The following COBL variants were observed in gnomAD, a reference collection of about 807,000 sequenced individuals.
The protein encoded by COBL is cordon-bleu WH2 repeat protein.
Under a neutral mutation model 98.8 loss-of-function variants are expected in COBL, and 51 were observed. The ratio of observed to expected loss-of-function variants is 0.52; its 90% confidence interval spans 0.41 to 0.65. COBL has a LOEUF of 0.65. Among genes scored for constraint, COBL ranks in the 30% least tolerant of loss-of-function variants. The probability of loss-of-function intolerance (pLI) is 0.00; values close to 1 mark genes in which losing one functional copy is unlikely to be tolerated. For synonymous variants in COBL, 634 were observed against 651.7 expected (o/e 0.97, Z 0.41); for missense variants, 1,617 against 1,617.5 (o/e 1.00, Z 0.01).
intron 5 of COBL, among the ~76,000 whole-genome samples, chr7:51,176,599 A>G (rs1313460914): frequency 6.6e-6 from 1 of 152,230 alleles, no homozygotes; most frequent in Non-Finnish European, 1.5e-5. Context: ...TGGTATTTAC[A>G]AAAGCTTAAA....
At chr7:51,141,993 G>A (rs902864769) in intron 5 of COBL, among the ~76,000 whole-genome samples, 1 of 152,128 alleles carries the variant, frequency 6.6e-6, no homozygotes, top group African/African-American at 2.4e-5. Context: ...CACTCCTTAA[G>A]CTGAATCCCT....
intron 1 of COBL, among the ~76,000 whole-genome samples, chr7:51,301,242 C>T (rs1451746933): frequency 6.6e-6 from 1 of 152,190 alleles, no homozygotes; most frequent in African/African-American, 2.4e-5. Flanking sequence ...AGGACGCTCA[C>T]CCTTTATCCT....
intron 5 of COBL, among the ~76,000 whole-genome samples, chr7:51,144,247 C>A (rs749021): frequency 0.079 from 11,965 of 152,176 alleles, 557 homozygotes; most frequent in Admixed American, 0.15. Flanking sequence ...CATATATGAA[C>A]CCACTTGACC....
chr7:51,275,305 A>C (rs1190980816), intron 1 of COBL, among the ~76,000 whole-genome samples: 2 of 152,186 alleles, frequency 1.3e-5, no homozygotes, highest in Non-Finnish European at 2.9e-5. Context: ...CCAAATTTTG[A>C]GGCACAAGTC....
At chr7:51,210,235 G>C (rs1009911534) in intron 2 of COBL, among the ~76,000 whole-genome samples, 1 of 152,038 alleles carries the variant, frequency 6.6e-6, no homozygotes, top group South Asian at 2.1e-4. Flanking sequence ...CAGCAGTCGA[G>C]GGTGGGAGTA....
chr7:51,205,119 A>T (rs973289760), intron 2 of COBL, among the ~76,000 whole-genome samples: 2 of 152,336 alleles, frequency 1.3e-5, no homozygotes, highest in African/African-American at 2.4e-5. Context: ...TGCAATCCCT[A>T]TCAAAATCCC....
At chr7:51,096,554 A>G (rs1207288892) in intron 6 of COBL, among the ~76,000 whole-genome samples, 1 of 152,128 alleles carries the variant, frequency 6.6e-6, no homozygotes, top group African/African-American at 2.4e-5. Flanking sequence ...TTTGGTTAAA[A>G]TATTAACAGA....
At chr7:51,177,518 A>G (rs1374233201) in intron 5 of COBL, among the ~76,000 whole-genome samples, 2 of 152,162 alleles carry the variant, frequency 1.3e-5, no homozygotes, top group Non-Finnish European at 2.9e-5. Flanking sequence ...TCACGCCTGT[A>G]ATCCCAGCAC....
chr7:51,262,573 G>C (rs767162522), intron 1 of COBL, among the ~76,000 whole-genome samples: 1 of 152,226 alleles, frequency 6.6e-6, no homozygotes, highest in Non-Finnish European at 1.5e-5. Flanking sequence ...GGGAAGTCAC[G>C]ACAGGCAGCG....
rs61031232 is a variant in COBL, at chr7:51,136,039, A to G, written c.957+119T>C. On this transcript the variant is annotated intron_variant, in intron 6 of 12. Coordinates refer to ENST00000265136, the MANE Select transcript of COBL (RefSeq NM_015198.5). Reference sequence around the variant, plus strand: ...AAATAAAGCTTAAATACTTGCCCCCAACACTCCAGTCGCTACAGCCACAAA... The same window carrying G: ...AAATAAAGCTTAAATACTTGCCCCCGACACTCCAGTCGCTACAGCCACAAA... 317 of 1,286,774 alleles carry G rather than the reference A, an allele frequency of 2.5e-4. No individual in the cohort carries two copies. In the African/African-American group the frequency reaches 4.4e-3, roughly 18 times the overall value. 79.7% of individuals were successfully genotyped at this position (1,286,774 alleles called of 1,614,324 possible).
intron 6 of COBL, among the ~76,000 whole-genome samples, chr7:51,085,709 T>C (rs1172164586): frequency 1.3e-5 from 2 of 152,196 alleles, no homozygotes; most frequent in Non-Finnish European, 2.9e-5. Flanking sequence ...CTGCCGTGAA[T>C]TGTGATCACA....
At chr7:51,125,180 T>A (rs903492480) in intron 6 of COBL, among the ~76,000 whole-genome samples, 24 of 152,180 alleles carry the variant, frequency 1.6e-4, no homozygotes, top group African/African-American at 5.3e-4. Context: ...AGATGGGGCC[T>A]CTAAAGAAGT....
chr7:51,256,256 T>C (rs1398885306), intron 1 of COBL, among the ~76,000 whole-genome samples: 1 of 152,048 alleles, frequency 6.6e-6, no homozygotes, highest in Non-Finnish European at 1.5e-5. Context: ...GCATTCTCAA[T>C]CTATATATAC....
chr7:51,139,310 A>T (rs1799523645), intron 5 of COBL, among the ~76,000 whole-genome samples: 2 of 152,200 alleles, frequency 1.3e-5, no homozygotes, highest in Admixed American at 1.3e-4. Context: ...TTGGGTGGCC[A>T]TGACCTCATG....
rs1032579652 is a variant in COBL at position 51,252,201 on chromosome 7, T to C, written c.42-32257A>G. On this transcript the variant is annotated intron_variant, in intron 1 of 12. Coordinates refer to ENST00000265136, the MANE Select transcript of COBL (RefSeq NM_015198.5). ...CACTGGCTTTTTAAAAACAGGCTTA[T>C]TGAGATATAATTCACACACCATATA... 2.0e-5 allele frequency among the ~76,000 whole-genome samples: 3 copies of C among 152,226 alleles called. No homozygotes were observed. In the South Asian group the frequency reaches 6.2e-4, roughly 32 times the overall value.
At chr7:51,108,917 G>GACAGAC (rs1796567902) in intron 6 of COBL, among the ~76,000 whole-genome samples, 2 of 57,858 alleles carry the variant, frequency 3.5e-5, no homozygotes, top group Admixed American at 2.8e-4. Flanking sequence ...CTGACACATA[G>GACAGAC]ACACACACAC....
intron 1 of COBL, among the ~76,000 whole-genome samples, chr7:51,240,579 C>T (rs1366187970): frequency 1.3e-5 from 2 of 151,984 alleles, no homozygotes; most frequent in African/African-American, 4.8e-5. Context: ...AGAGTTTGAC[C>T]CTTTTTGCCC....
intron 7 of COBL, among the ~76,000 whole-genome samples, chr7:51,075,629 G>A (rs754128954): frequency 5.3e-5 from 8 of 152,030 alleles, no homozygotes; most frequent in Non-Finnish European, 8.8e-5. Context: ...AAATTTTAAC[G>A]ATCTGCTTTT....
chr7:51,097,228 A>G (rs147685859), intron 6 of COBL, among the ~76,000 whole-genome samples: 1 of 152,290 alleles, frequency 6.6e-6, no homozygotes, highest in African/African-American at 2.4e-5. Context: ...AAAGACAAAA[A>G]CCATACAAAA....
Sources: gnomAD v4.1 joint callset for allele counts (sites outside exome capture counted in the v4.1 genomes callset) on GRCh38, gnomAD v4.1.1 for gene constraint, MANE v1.5 for transcripts, NCBI Gene and HGNC (gene_info 2026-07-23, HGNC 2026-07-21) for gene names.